Variants in DENND5B observed in about 807,000 individuals in gnomAD.
DENND5B encodes the protein DENN domain-containing protein 5B.
Under a neutral mutation model 140.6 loss-of-function variants are expected in DENND5B, and 34 were observed. The ratio of observed to expected loss-of-function variants is 0.24; its 90% CI spans 0.18 to 0.32. DENND5B has a LOEUF of 0.32. Among genes scored for constraint, DENND5B ranks in the 10% least tolerant of loss-of-function variants. The pLI is 1.00. For synonymous variants in DENND5B, 551 were observed against 562.1 expected, an observed-to-expected ratio of 0.98 and a Z score of 0.28; for missense variants, 1,142 against 1,560.2, an observed-to-expected ratio of 0.73 and a Z score of 4.52.
At chr12:31,462,092 A>G (rs1019113898) in intron 3 of DENND5B, among the ~76,000 whole-genome samples, 1 of 152,154 alleles carries the variant, frequency 6.6e-6, no homozygotes, top group Non-Finnish European at 1.5e-5. Flanking sequence ...GTTTATAGGA[A>G]TAACTTCTAG....
At chr12:31,535,539 T>A (rs983821046) in intron 1 of DENND5B, among the ~76,000 whole-genome samples, 7 of 152,156 alleles carry the variant, frequency 4.6e-5, no homozygotes, top group Non-Finnish European at 7.4e-5. Flanking sequence ...CCAGGTCTTA[T>A]CCGAAACTAC....
At chr12:31,583,164 T>G (rs1442948241) in intron 1 of DENND5B, among the ~76,000 whole-genome samples, 1 of 151,956 alleles carries the variant, frequency 6.6e-6, no homozygotes, top group Non-Finnish European at 1.5e-5. Context: ...TGGTGGCGTG[T>G]GCCTGTAATC....
chr12:31,410,196 A>G (rs1278966648), intron 13 of DENND5B, among the ~76,000 whole-genome samples: 2 of 152,164 alleles, frequency 1.3e-5, no homozygotes, highest in East Asian at 3.9e-4. Flanking sequence ...CAGGAAAGCA[A>G]TTCAGGTAAC....
At chr12:31,494,166 A>G (rs1217109040) in intron 2 of DENND5B, among the ~76,000 whole-genome samples, 7 of 70,658 alleles carry the variant, frequency 9.9e-5, no homozygotes, top group African/African-American at 4.0e-4. Flanking sequence ...CTATCTATCT[A>G]TCTATCTATC....
intron 1 of DENND5B, among the ~76,000 whole-genome samples, chr12:31,548,662 G>C (rs763512747): frequency 1.3e-5 from 2 of 152,150 alleles, no homozygotes; most frequent in Non-Finnish European, 2.9e-5. Context: ...CAAATGTTGT[G>C]TTATACACCA....
rs765373975 is a variant in DENND5B at position 31,452,144 on chromosome 12, A to G, written c.1425T>C (p.Ala475=). 1.2e-6 allele frequency: 2 copies of G among 1,613,994 alleles called. No individual in the cohort carries two copies. The highest frequency in any genetic ancestry group is 1.7e-6 in the Non-Finnish European group (2 of 1,179,900). Residue 475 remains alanine (A), a synonymous_variant, in exon 5 of 21, where the codon GCT becomes GCC. Coordinates refer to ENST00000389082, the MANE Select transcript of DENND5B (RefSeq NM_144973.4). The part of the protein sequence containing the change: ...GVAVEKMDLS[A]SLGEKDKDLK... ...AATCCTTGTCTTTTTCACCCAGAGA[A>G]GCAGAGAGGTCCATTTTTTCCACAG...
intron 6 of DENND5B, among the ~76,000 whole-genome samples, chr12:31,444,471 T>C (rs1177912381): frequency 6.6e-6 from 1 of 152,180 alleles, no homozygotes; most frequent in East Asian, 1.9e-4. Context: ...CTCGAACCCA[T>C]GACCCCAGAT....
intron 1 of DENND5B, among the ~76,000 whole-genome samples, chr12:31,567,716 T>G (rs1339457137): frequency 6.6e-6 from 1 of 151,646 alleles, no homozygotes; most frequent in Non-Finnish European, 1.5e-5. Flanking sequence ...GAGGCTGAGG[T>G]GGGAGAACTG....
At chr12:31,498,446 A>C (rs1422398070) in intron 1 of DENND5B, among the ~76,000 whole-genome samples, 1 of 152,204 alleles carries the variant, frequency 6.6e-6, no homozygotes, top group East Asian at 1.9e-4. Flanking sequence ...ATCAACAAGA[A>C]GGAAACCACC....
intron 1 of DENND5B, among the ~76,000 whole-genome samples, chr12:31,521,245 G>A (rs990071967): frequency 6.6e-6 from 1 of 151,974 alleles, no homozygotes; most frequent in African/African-American, 2.4e-5. Context: ...CAGAGATAAG[G>A]CATTAGAATT....
At chr12:31,459,039 C>A (rs1235887954) in intron 4 of DENND5B, among the ~76,000 whole-genome samples, 2 of 151,834 alleles carry the variant, frequency 1.3e-5, no homozygotes, top group African/African-American at 4.8e-5. Context: ...ATGAAGAAAA[C>A]CCGTCTCTAC....
At position 31,576,156 on chromosome 12, in the gene DENND5B, A is replaced by AAAAAAAAG. The variant is rs1555176281; in HGVS notation, c.127+14549_127+14550insCTTTTTTT. Among the ~76,000 whole-genome samples the AAAAAAAAG allele has an allele frequency of 1.5e-5, 2 of 131,184 alleles. 1 individual carries two copies. Among genetic ancestry groups the AAAAAAAAG allele is most frequent in the Non-Finnish European group, 3.1e-5 (2 of 64,084 alleles). The allele number at this position is 131,184 out of a possible 152,430, so 86.1% of individuals were successfully genotyped here. A position where few individuals can be genotyped will look rare whatever the true frequency, so the allele number is the denominator to read the frequency against. On this transcript the variant is annotated intron_variant, in intron 1 of 20. Transcript: ENST00000389082. Reference sequence around the variant, plus strand: ...GCTCTGTCTCCAAAAAAAAAAAAAAAAAGAAGAATGAGGCCGCGCGCACAG... The same window carrying AAAAAAAAG: ...GCTCTGTCTCCAAAAAAAAAAAAAAAAAAAAAAGAAGAAGAATGAGGCCGCGCGCACAG...
At chr12:31,443,750 A>G (rs1191817478) in intron 6 of DENND5B, 1 of 152,184 alleles carries the variant, frequency 6.6e-6, no homozygotes, top group African/African-American at 2.4e-5. Flanking sequence ...AACGGTGTGA[A>G]GTTTATTACC....
chr12:31,436,753 T>G (rs1165829420), intron 7 of DENND5B, among the ~76,000 whole-genome samples: 1 of 151,902 alleles, frequency 6.6e-6, no homozygotes, highest in Non-Finnish European at 1.5e-5. Flanking sequence ...CAGGCTGGTC[T>G]GGAACTCCTG....
At chr12:31,541,352 T>A (rs571183790) in intron 1 of DENND5B, among the ~76,000 whole-genome samples, 1 of 152,148 alleles carries the variant, frequency 6.6e-6, no homozygotes, top group Admixed American at 6.5e-5. Context: ...CATGCAACTC[T>A]ACAGGAAAAA....
chr12:31,509,546 A>C (rs886078390), intron 1 of DENND5B, among the ~76,000 whole-genome samples: 6 of 152,224 alleles, frequency 3.9e-5, no homozygotes, highest in African/African-American at 1.4e-4. Flanking sequence ...TCTCAAAATA[A>C]ATACATAAAA....
intron 5 of DENND5B, among the ~76,000 whole-genome samples, chr12:31,451,416 C>G (rs1049667018): frequency 1.3e-5 from 2 of 152,162 alleles, no homozygotes; most frequent in East Asian, 3.9e-4. Context: ...CTCTGCCTCC[C>G]GGGTTCAAGC....
At chr12:31,415,566 C>T (rs1364788000) in intron 11 of DENND5B, 118 bp from the exon 12 acceptor site, 12 of 788,328 alleles carry the variant, frequency 1.5e-5, no homozygotes, top group Non-Finnish European at 1.7e-5. Context: ...TATCATCTAG[C>T]CCAAAATGTC....
intron 1 of DENND5B, among the ~76,000 whole-genome samples, chr12:31,587,395 A>G (rs78362631): frequency 0.015 from 2,301 of 152,236 alleles, 193 homozygotes; most frequent in Admixed American, 0.11. Flanking sequence ...TATGACTACC[A>G]TATTCATAGA....
Sources: gnomAD v4.1 joint callset for allele counts (sites outside exome capture counted in the v4.1 genomes callset) on GRCh38, gnomAD v4.1.1 for gene constraint, MANE v1.5 for transcripts, NCBI Gene and HGNC (gene_info 2026-07-23, HGNC 2026-07-21) for gene names.